LAMC2: variants seen among roughly 807,000 people sequenced by gnomAD.
The protein encoded by LAMC2 is laminin subunit gamma-2.
In LAMC2, 97 loss-of-function variants were observed where a neutral mutation model predicts 140.2. The ratio of observed to expected loss-of-function variants is 0.69; its 90% confidence interval spans 0.59 to 0.82. The LOEUF (loss-of-function observed/expected upper bound fraction) is 0.82, where lower values mean the gene tolerates loss of function less well. Ranked by LOEUF, LAMC2 falls within the 40% of genes least tolerant of loss-of-function variation. The pLI is 0.00. For missense variants in LAMC2, 1,402 were observed against 1,476.1 expected, an observed-to-expected ratio of 0.95 and a Z score of 0.82; for synonymous variants, 513 against 540.2, an observed-to-expected ratio of 0.95 and a Z score of 0.70.
intron 1 of LAMC2, among the ~76,000 whole-genome samples, chr1:183,203,744 C>G (rs1658796170): frequency 6.6e-6 from 1 of 152,044 alleles, no homozygotes; most frequent in Non-Finnish European, 1.5e-5. Context: ...GCAGGCAAGG[C>G]TGTAGAGAGT....
At chr1:183,197,553 A>G (rs542497516) in intron 1 of LAMC2, among the ~76,000 whole-genome samples, 8 of 152,048 alleles carry the variant, frequency 5.3e-5, no homozygotes, top group African/African-American at 1.9e-4. Flanking sequence ...GCGGGCGCCT[A>G]TAGTCCCAGC....
chr1:183,219,325 T>G (rs1426958415), intron 4 of LAMC2, among the ~76,000 whole-genome samples: 1 of 152,218 alleles, frequency 6.6e-6, no homozygotes, highest in Non-Finnish European at 1.5e-5. Context: ...ACATAAAGTT[T>G]AAGTGTTAAA....
chr1:183,239,488 G>C lies in LAMC2; in HGVS notation c.2994G>C (p.Gly998=), dbSNP rs1660064320. The C allele has an allele frequency of 1.2e-6, 2 of 1,613,968 alleles. No individual in the cohort carries two copies. The highest frequency in any genetic ancestry group is 4.5e-5 in the East Asian group (2 of 44,886). ...CCCAGCAAGCAGAAAGAGCCCTGGG[G>C]AGCGCTGCTGCTGATGCACAGAGGG... The part of the protein sequence containing the change: ...DKTQQAERAL[G]SAAADAQRAK... Residue 998 remains glycine (G), a synonymous_variant, in exon 20 of 23, where the codon GGG becomes GGC. Transcript: ENST00000264144.
At chr1:183,240,569 C>T (rs1660106146) in intron 22 of LAMC2, 178 bp downstream of exon 22, 2 of 1,442,394 alleles carry the variant, frequency 1.4e-6, no homozygotes, top group African/African-American at 2.9e-5. Context: ...TTTACTGGAC[C>T]CTGTTTTACC....
intron 1 of LAMC2, among the ~76,000 whole-genome samples, chr1:183,204,879 A>G (rs552374481): frequency 3.6e-4 from 54 of 151,986 alleles, no homozygotes; most frequent in African/African-American, 1.2e-3. Context: ...GTAGAGTGCA[A>G]TGGCACAATC....
chr1:183,220,915 C>G lies in LAMC2; in HGVS notation c.594C>G (p.Ser198Arg). The G allele has an allele frequency of 6.2e-7, 1 of 1,614,062 alleles. No individual in the cohort carries two copies. The highest frequency in any genetic ancestry group is 1.1e-5 in the South Asian group (1 of 91,076). ...FCYGHSASCR[S>R]SAEYSVHKIT... ...ATGGGCATTCAGCCAGCTGCCGCAG[C>G]TCTGCAGAATACAGTGTCCATAAGA... The change falls in exon 5 of 23, where the codon AGC (serine) becomes AGG (arginine). Residue 198 changes from serine (S) to arginine (R), a missense_variant. Physicochemically the swap from Ser to Arg is moderately radical, Grantham distance 110. This residue lies in a region of LAMC2 where 723 missense variants were observed against 783.3 expected (regional missense o/e 0.92). Coordinates refer to ENST00000264144, the MANE Select transcript of LAMC2 (RefSeq NM_005562.3).
chr1:183,190,287 A>G (rs916506476), intron 1 of LAMC2, among the ~76,000 whole-genome samples: 1 of 152,182 alleles, frequency 6.6e-6, no homozygotes, highest in Non-Finnish European at 1.5e-5. Flanking sequence ...CCCTGCCAGT[A>G]CTGAATTTGG....
intron 19 of LAMC2, among the ~76,000 whole-genome samples, chr1:183,238,912 G>A (rs958843559): frequency 5.9e-5 from 9 of 152,012 alleles, no homozygotes; most frequent in African/African-American, 2.2e-4. Flanking sequence ...TTTGTGCCTC[G>A]CAGAGATTTC....
At chr1:183,190,632 AT>A (rs1050628433) in intron 1 of LAMC2, among the ~76,000 whole-genome samples, 20 of 152,266 alleles carry the variant, frequency 1.3e-4, no homozygotes, top group African/African-American at 4.8e-4. Flanking sequence ...CAAAGAAAGG[AT>A]TTGGACAACT....
At position 183,228,747 on chromosome 1, in the gene LAMC2, T is replaced by C; in HGVS notation, c.1714+128T>C. 1 of 1,280,988 alleles carries C rather than the reference T, an allele frequency of 7.8e-7. No individual in the cohort carries two copies. Among genetic ancestry groups the C allele is most frequent in the Non-Finnish European group, 1.1e-6 (1 of 894,856 alleles). 79.4% of individuals were successfully genotyped at this position (1,280,988 alleles called of 1,614,324 possible). ...CTTTGATTCTCTGACCAAACTGGCC[T>C]GTGAGCACCCTGGGCCTTTCTTCCT... On this transcript the variant is annotated intron_variant, in intron 11 of 22. Transcript: ENST00000264144. This position sits in a 1 kb window ranked among gnomAD's most constrained non-coding sequence, Gnocchi z 4.3.
chr1:183,234,493 G>C (rs1217739014), intron 15 of LAMC2, 47 bp downstream of exon 15: 1 of 1,434,624 alleles, frequency 7.0e-7, no homozygotes. Flanking sequence ...TCTCTGCAAG[G>C]CCAGACTTGA....
intron 1 of LAMC2, among the ~76,000 whole-genome samples, chr1:183,200,233 A>T (rs769529784): frequency 6.6e-6 from 1 of 152,148 alleles, no homozygotes; most frequent in Admixed American, 6.5e-5. Flanking sequence ...TCTAATAAAC[A>T]TACAAAATCA....
chr1:183,240,628 C>T, intron 22 of LAMC2: 1 of 1,414,360 alleles, frequency 7.1e-7, no homozygotes. Flanking sequence ...GGGTAAAGGT[C>T]TGTGGGCCAA....
At chr1:183,209,345 G>T (rs778889892) in intron 2 of LAMC2, among the ~76,000 whole-genome samples, 20 of 152,164 alleles carry the variant, frequency 1.3e-4, no homozygotes, top group Non-Finnish European at 2.2e-4. Flanking sequence ...CTAAAAATGG[G>T]CAGATTCTGG....
chr1:183,209,159 T>A (rs1207285962), intron 2 of LAMC2, among the ~76,000 whole-genome samples: 3 of 152,050 alleles, frequency 2.0e-5, no homozygotes, highest in Admixed American at 1.3e-4. Context: ...ATTTTTTTTT[T>A]AAACGGTTCA....
At chr1:183,208,331 G>A (rs1305860049) in intron 2 of LAMC2, among the ~76,000 whole-genome samples, 1 of 152,138 alleles carries the variant, frequency 6.6e-6, no homozygotes, top group Non-Finnish European at 1.5e-5. Context: ...GGGACCTTGA[G>A]GGCATGTTGT....
intron 2 of LAMC2, among the ~76,000 whole-genome samples, chr1:183,214,401 G>C (rs1243469131): frequency 6.6e-6 from 1 of 152,180 alleles, no homozygotes; most frequent in African/African-American, 2.4e-5. Flanking sequence ...CTGAGAATGT[G>C]CCAACTAGGG....
At chr1:183,227,977 G>GT (rs1659683228) in intron 10 of LAMC2, among the ~76,000 whole-genome samples, 1 of 152,184 alleles carries the variant, frequency 6.6e-6, no homozygotes, top group South Asian at 2.1e-4. Context: ...CAAGCACATG[G>GT]TTTGTTTCTT....
chr1:183,200,304 C>T (rs1424177093), intron 1 of LAMC2, among the ~76,000 whole-genome samples: 1 of 151,954 alleles, frequency 6.6e-6, no homozygotes, highest in African/African-American at 2.4e-5. Context: ...GCAGGAGAAT[C>T]ACTTGAACCT....
Sources: gnomAD v4.1 joint callset for allele counts (sites outside exome capture counted in the v4.1 genomes callset) on GRCh38, gnomAD v4.1.1 for gene constraint, gnomAD v4.1.1 regional missense constraint, Gnocchi (gnomAD v3.1) non-coding constraint, MANE v1.5 for transcripts, NCBI Gene and HGNC (gene_info 2026-07-23, HGNC 2026-07-21) for gene names.